The following NGEF variants were observed in gnomAD, a reference collection of about 807,000 sequenced individuals.
NGEF encodes neuronal guanine nucleotide exchange factor.
NGEF carries 31 observed loss-of-function variants against 80.9 expected under a neutral mutation model. The ratio of observed to expected loss-of-function variants is 0.38; its 90% confidence interval spans 0.29 to 0.52. The LOEUF (loss-of-function observed/expected upper bound fraction) is 0.52. Among genes scored for constraint, NGEF ranks in the 20% least tolerant of loss-of-function variants. NGEF has a pLI of 0.84. For synonymous variants in NGEF, 371 were observed against 370.2 expected, an observed-to-expected ratio of 1.00 and a Z score of -0.03; for missense variants, 709 against 926.2, an observed-to-expected ratio of 0.77 and a Z score of 3.04.
intron 1 of NGEF, among the ~76,000 whole-genome samples, chr2:233,008,488 A>G (rs59250865): frequency 0.015 from 2,318 of 152,312 alleles, 56 homozygotes; most frequent in African/African-American, 0.053. Context: ...CATAAGATAG[A>G]GCAACACTCC....
intron 3 of NGEF, among the ~76,000 whole-genome samples, chr2:232,943,582 G>T (rs944675298): frequency 1.3e-4 from 20 of 149,196 alleles, no homozygotes; most frequent in Non-Finnish European, 2.5e-4. Flanking sequence ...TGCAAGCTCC[G>T]CCTCCCGGGT....
intron 5 of NGEF, among the ~76,000 whole-genome samples, chr2:232,898,064 GC>G (rs11341358): frequency 0.45 from 66,356 of 146,684 alleles, 14,749 homozygotes; most frequent in Admixed American, 0.54. Flanking sequence ...ATGACGGGCA[GC>G]CAGTTTCCCA....
chr2:232,998,725 G>A (rs1006357265), intron 1 of NGEF, among the ~76,000 whole-genome samples: 6 of 152,110 alleles, frequency 3.9e-5, no homozygotes, highest in Non-Finnish European at 8.8e-5. Context: ...TTCTTGTGCA[G>A]CCCTGTAGGT....
chr2:232,943,587 C>T (rs1265817894), intron 3 of NGEF, among the ~76,000 whole-genome samples: 2 of 151,762 alleles, frequency 1.3e-5, no homozygotes, highest in East Asian at 2.0e-4. Context: ...GCTCCGCCTC[C>T]CGGGTTCACG....
rs188824503 is a variant in NGEF at position 232,984,813 on chromosome 2, G to A, written c.-74-9849C>T. ...TATTTTATATTTACAAAAAAGCTGCGGATGATGGAATTCTAAAGCCAGCTC... is the reference window on the plus strand; with the variant it reads ...TATTTTATATTTACAAAAAAGCTGCAGATGATGGAATTCTAAAGCCAGCTC... On this transcript the variant is annotated intron_variant, in intron 1 of 14. Coordinates refer to ENST00000264051, the MANE Select transcript of NGEF (RefSeq NM_019850.3). Among the ~76,000 whole-genome samples, 18 of 152,270 alleles carry A rather than the reference G, an allele frequency of 1.2e-4. No homozygotes were observed. In the East Asian group the frequency reaches 1.3e-3, roughly 11 times the overall value.
At chr2:232,952,746 TCA>T (rs1490616202) in intron 3 of NGEF, among the ~76,000 whole-genome samples, 1 of 151,050 alleles carries the variant, frequency 6.6e-6, no homozygotes, top group Admixed American at 6.6e-5. Context: ...GGCAGGCGGA[TCA>T]CCTGAGGTCA....
At chr2:232,967,172 T>C (rs1475403836) in intron 3 of NGEF, among the ~76,000 whole-genome samples, 1 of 152,054 alleles carries the variant, frequency 6.6e-6, no homozygotes, top group East Asian at 1.9e-4. Context: ...GTGTGGCACC[T>C]CTCACCCCAC....
At chr2:232,958,261 A>G (rs141363428) in intron 3 of NGEF, among the ~76,000 whole-genome samples, 10 of 152,328 alleles carry the variant, frequency 6.6e-5, no homozygotes, top group African/African-American at 2.4e-4. Flanking sequence ...GCAGCCGGGC[A>G]GGAAAACCCC....
At chr2:232,911,892 GT>G (rs956046432) in intron 5 of NGEF, among the ~76,000 whole-genome samples, 23 of 152,188 alleles carry the variant, frequency 1.5e-4, no homozygotes, top group African/African-American at 5.1e-4. Context: ...GTTCTAAGAG[GT>G]TTTTTTGGTA....
In NGEF at chr2:232,927,110, T is replaced by C; in HGVS notation, c.460A>G (p.Thr154Ala). Residue 154 changes from threonine (T) to alanine (A), a missense_variant, in exon 4 of 15, where the codon ACC becomes GCC. By Grantham distance (58) the Thr-to-Ala change is moderately conservative. Coordinates refer to ENST00000264051, the MANE Select transcript of NGEF (RefSeq NM_019850.3). The part of the protein sequence containing the change: ...PALADSPTTL[T>A]EALRMIHPIP... ...GGGTGGATCATCCGCAGGGCCTCGG[T>C]GAGCGTGGTGGGGCTGTCGGCCAGG... 4 of 1,613,508 alleles carry C rather than the reference T, an allele frequency of 2.5e-6. No individual in the cohort carries two copies. Among genetic ancestry groups the C allele is most frequent in the Non-Finnish European group, 3.4e-6 (4 of 1,179,878 alleles).
In NGEF at chr2:232,885,882, G is replaced by A. The variant is rs944256791; in HGVS notation, c.1348-513C>T. Reference sequence around the variant, plus strand: ...GCACCATGTCCAGGGAAGTGTGCGCGAGGGCCTCCCTGCCATGTTGTCTGG... The same window carrying A: ...GCACCATGTCCAGGGAAGTGTGCGCAAGGGCCTCCCTGCCATGTTGTCTGG... On this transcript the variant is annotated intron_variant, in intron 9 of 14. Coordinates refer to ENST00000264051, the MANE Select transcript of NGEF (RefSeq NM_019850.3). Among the ~76,000 whole-genome samples, 28 of 152,240 alleles carry A rather than the reference G, an allele frequency of 1.8e-4. 1 individual carries two copies. Among genetic ancestry groups the A allele is most frequent in the African/African-American group, 6.3e-4 (26 of 41,468 alleles).
Position 232,881,177 on chromosome 2 carries a change from G to A in NGEF, c.1911C>T (p.Asp637=). 1 of 1,612,438 alleles carries A rather than the reference G, an allele frequency of 6.2e-7. No individual in the cohort carries two copies. The highest frequency in any genetic ancestry group is 8.5e-7 in the Non-Finnish European group (1 of 1,180,008). Reference sequence around the variant, plus strand: ...CAGTCTTGTCCAGGATGTTGAGGATGTCGGCGAGCTCCAGCGTCAGCTCGT... The same window carrying A: ...CAGTCTTGTCCAGGATGTTGAGGATATCGGCGAGCTCCAGCGTCAGCTCGT... The part of the protein sequence containing the change: ...QPDELTLELA[D]ILNILDKTDD... Residue 637 remains aspartate (D), a synonymous_variant, in exon 14 of 15, where the codon GAC becomes GAT. Coordinates refer to ENST00000264051, the MANE Select transcript of NGEF (RefSeq NM_019850.3).
chr2:233,013,234 G>C lies in NGEF; in HGVS notation c.-241C>G, dbSNP rs578157581. ...CAGCCAAAAACTTCGTCCTGTCCTGGAAAAGCTTCACTGGTAAGCATTCCC... is the reference window on the plus strand; with the variant it reads ...CAGCCAAAAACTTCGTCCTGTCCTGCAAAAGCTTCACTGGTAAGCATTCCC... On this transcript the variant is annotated 5_prime_UTR_variant, in exon 1 of 15. Coordinates refer to ENST00000264051, the MANE Select transcript of NGEF (RefSeq NM_019850.3). 2.1e-6 allele frequency: 1 copy of C among 471,046 alleles called. No individual in the cohort carries two copies. Among genetic ancestry groups the C allele is most frequent in the Non-Finnish European group, 4.4e-6 (1 of 227,072 alleles). The allele number at this position is 471,046 out of a possible 1,614,324, so 29.2% of individuals were successfully genotyped here.
intron 1 of NGEF, among the ~76,000 whole-genome samples, chr2:233,000,285 A>G (rs906447955): frequency 2.0e-5 from 3 of 152,118 alleles, no homozygotes; most frequent in Non-Finnish European, 4.4e-5. Context: ...TTTTGTAGAG[A>G]TGGGGTTTTG....
Position 232,888,197 on chromosome 2 carries a change from C to A in NGEF, c.1273-90G>T. On this transcript the variant is annotated intron_variant, in intron 8 of 14. Coordinates refer to ENST00000264051, the MANE Select transcript of NGEF (RefSeq NM_019850.3). The stretch of plus-strand genomic sequence containing the variant: ...TGACCGTGACTACCTCCCTACTGCA[C>A]CAGTCCAGCCCCATGCTGCAGCATG... The A allele has an allele frequency of 1.3e-5, 11 of 866,238 alleles. No individual in the cohort carries two copies. The South Asian group carries it at 1.6e-4, about 13-fold the overall frequency. 53.7% of individuals were successfully genotyped at this position (866,238 alleles called of 1,614,324 possible).
At chr2:232,933,139 T>TAAAC (rs1693252588) in intron 3 of NGEF, among the ~76,000 whole-genome samples, 1 of 150,850 alleles carries the variant, frequency 6.6e-6, no homozygotes, top group African/African-American at 2.4e-5. Context: ...AATAAATAAA[T>TAAAC]AAATAAATAA....
rs191572110 is a variant in NGEF at position 233,007,431 on chromosome 2, C to T, written c.-75+5637G>A. On this transcript the variant is annotated intron_variant, in intron 1 of 14. Coordinates refer to ENST00000264051, the MANE Select transcript of NGEF (RefSeq NM_019850.3). ...GGTAGCTCTGTGTCTGAGCCCTGCT[C>T]AGGCTGATCGTGGGTCTCCAGTGGG... Among the ~76,000 whole-genome samples the T allele has an allele frequency of 9.8e-3, 1,488 of 152,268 alleles. 13 individuals are homozygous for T. Among genetic ancestry groups the T allele is most frequent in the Non-Finnish European group, 0.015 (1,050 of 68,026 alleles).
intron 3 of NGEF, among the ~76,000 whole-genome samples, chr2:232,937,161 T>C (rs1465696966): frequency 6.6e-6 from 1 of 152,032 alleles, no homozygotes; most frequent in Non-Finnish European, 1.5e-5. Flanking sequence ...AGAGATGGGG[T>C]TTCACCATGT....
At chr2:232,965,206 G>A (rs1397073032) in intron 3 of NGEF, among the ~76,000 whole-genome samples, 2 of 152,094 alleles carry the variant, frequency 1.3e-5, no homozygotes, top group African/African-American at 4.8e-5. Context: ...TGTTGTTGCC[G>A]TTGCTGTTGG....
Sources: allele counts gnomAD v4.1 joint callset (sites outside exome capture counted in the v4.1 genomes callset), GRCh38; gene constraint gnomAD v4.1.1; transcripts MANE v1.5; gene names NCBI Gene and HGNC (gene_info 2026-07-23, HGNC 2026-07-21).